NAV2: variants seen among roughly 807,000 people sequenced by gnomAD.
NAV2 encodes helicase, APC down-regulated 1.
A neutral mutation model predicts 223.2 loss-of-function variants in NAV2; 54 were observed. That is an observed-to-expected ratio of 0.24 (90% CI 0.19 to 0.30). The LOEUF is 0.30. Ranked by LOEUF, NAV2 falls within the 10% of genes least tolerant of loss-of-function variation. The pLI, the probability that NAV2 is intolerant of heterozygous loss-of-function variation, is 1.00. For missense variants in NAV2, 2,806 were observed against 3,147.5 expected (o/e 0.89, Z 2.60); for synonymous variants, 1,279 against 1,239.3 (o/e 1.03, Z -0.67).
chr11:20,009,451 A>G (rs2053385618), intron 11 of NAV2, among the ~76,000 whole-genome samples: 2 of 152,222 alleles, frequency 1.3e-5, no homozygotes, highest in African/African-American at 4.8e-5. Flanking sequence ...AGATAGTGTT[A>G]TGATTTACAG....
At chr11:19,521,487 C>T (rs1264872470) in intron 1 of NAV2, among the ~76,000 whole-genome samples, 2 of 152,146 alleles carry the variant, frequency 1.3e-5, no homozygotes, top group Non-Finnish European at 1.5e-5. Flanking sequence ...TACATAAGTG[C>T]TCAGCAATAA....
At chr11:19,379,132 G>A (rs1007915453) in intron 1 of NAV2, among the ~76,000 whole-genome samples, 2 of 152,154 alleles carry the variant, frequency 1.3e-5, no homozygotes, top group South Asian at 2.1e-4. Context: ...GGACTTTTGT[G>A]GGCCAGTGAA....
intron 1 of NAV2, among the ~76,000 whole-genome samples, chr11:19,632,400 T>C (rs2047372020): frequency 6.6e-6 from 1 of 152,228 alleles, no homozygotes; most frequent in Non-Finnish European, 1.5e-5. Flanking sequence ...CCAAATGAAA[T>C]AATGTTCATG....
In NAV2 at chr11:19,822,374, A is replaced by G. The variant is rs187437229; in HGVS notation, c.268-10110A>G. On this transcript the variant is annotated intron_variant, in intron 1 of 37. Transcript: ENST00000349880. ...TGGCAGATGGTAGTTACTATCCTACATAAGACTGGAGCAAGCATTGCCCCC... is the reference window on the plus strand; with the variant it reads ...TGGCAGATGGTAGTTACTATCCTACGTAAGACTGGAGCAAGCATTGCCCCC... Among the ~76,000 whole-genome samples the G allele has an allele frequency of 2.0e-3, 309 of 152,352 alleles. 1 individual carries two copies. The highest frequency in any genetic ancestry group is 3.1e-3 in the Non-Finnish European group (211 of 68,024).
chr11:19,529,563 G>T (rs994887271), intron 1 of NAV2, among the ~76,000 whole-genome samples: 2 of 152,106 alleles, frequency 1.3e-5, no homozygotes, highest in Admixed American at 6.5e-5. Context: ...AAGTTACCTT[G>T]TTTATGTCTT....
chr11:19,442,465 A>G (rs1052332421), intron 1 of NAV2, among the ~76,000 whole-genome samples: 1 of 152,250 alleles, frequency 6.6e-6, no homozygotes, highest in Admixed American at 6.5e-5. Flanking sequence ...GACTCAACAC[A>G]GAGGAGGGCT....
intron 11 of NAV2, among the ~76,000 whole-genome samples, chr11:20,029,090 A>G (rs2055416799): frequency 6.6e-6 from 1 of 152,254 alleles, no homozygotes; most frequent in Non-Finnish European, 1.5e-5. Flanking sequence ...GGCAGCTTTT[A>G]CTGAACGAGG....
intron 1 of NAV2, among the ~76,000 whole-genome samples, chr11:19,686,655 G>A (rs984336478): frequency 6.6e-6 from 1 of 152,210 alleles, no homozygotes; most frequent in African/African-American, 2.4e-5. Context: ...CCCAGGTGGG[G>A]AGGACCCCCA....
intron 10 of NAV2, among the ~76,000 whole-genome samples, chr11:19,968,835 T>C (rs1173290970): frequency 6.6e-6 from 1 of 152,206 alleles, no homozygotes. Flanking sequence ...TGGCCTGTGT[T>C]TCGGCGACTT....
At chr11:19,731,462 A>T (rs1252599557) in intron 1 of NAV2, among the ~76,000 whole-genome samples, 2 of 152,272 alleles carry the variant, frequency 1.3e-5, no homozygotes, top group Non-Finnish European at 2.9e-5. Flanking sequence ...TTGCTCTCAA[A>T]AGAGCTTACA....
intron 10 of NAV2, among the ~76,000 whole-genome samples, chr11:19,970,656 A>G (rs2049158063): frequency 6.6e-6 from 1 of 152,198 alleles, no homozygotes; most frequent in Non-Finnish European, 1.5e-5. Flanking sequence ...ACAAGAAGAA[A>G]GACAAGCCAA....
chr11:20,026,097 G>T (rs2055038077), intron 11 of NAV2, among the ~76,000 whole-genome samples: 1 of 152,068 alleles, frequency 6.6e-6, no homozygotes, highest in South Asian at 2.1e-4. Context: ...CATTTTTTCT[G>T]CAGAGCTGTG....
chr11:19,504,522 C>T (rs1200048653), intron 1 of NAV2: 3 of 152,138 alleles, frequency 2.0e-5, no homozygotes, highest in Admixed American at 6.5e-5. Flanking sequence ...ATATTCAAGT[C>T]CAAACTGAGT....
intron 11 of NAV2, among the ~76,000 whole-genome samples, chr11:20,026,289 T>C (rs2055059664): frequency 6.6e-6 from 1 of 152,044 alleles, no homozygotes; most frequent in Non-Finnish European, 1.5e-5. Flanking sequence ...GGCTTGCTTA[T>C]AGTTTTTTTT....
At chr11:19,690,364 G>A (rs1457524516) in intron 1 of NAV2, among the ~76,000 whole-genome samples, 1 of 152,188 alleles carries the variant, frequency 6.6e-6, no homozygotes, top group Non-Finnish European at 1.5e-5. Flanking sequence ...CATGGCCAAA[G>A]TCTGGTGGTT....
chr11:19,405,190 C>T (rs573988550), intron 1 of NAV2, among the ~76,000 whole-genome samples: 1 of 152,218 alleles, frequency 6.6e-6, no homozygotes, highest in Non-Finnish European at 1.5e-5. Context: ...GTCTTAGACC[C>T]CACCAGGCAT....
At chr11:19,887,303 C>A (rs562923945) in intron 5 of NAV2, among the ~76,000 whole-genome samples, 130 of 152,226 alleles carry the variant, frequency 8.5e-4, no homozygotes, top group Non-Finnish European at 1.3e-3. Flanking sequence ...CCATGGACTT[C>A]TGCCTTTGAC....
intron 3 of NAV2, 147 bp from the exon 4 acceptor site, chr11:19,868,778 C>T: frequency 1.5e-6 from 1 of 679,744 alleles, no homozygotes; most frequent in Non-Finnish European, 2.4e-6. Flanking sequence ...TTTTCCTGTG[C>T]AAGTACAGAC....
intron 1 of NAV2, among the ~76,000 whole-genome samples, chr11:19,490,319 G>A (rs1252022225): frequency 1.3e-5 from 2 of 152,154 alleles, no homozygotes; most frequent in Non-Finnish European, 2.9e-5. Context: ...AGATTTCTCT[G>A]TAGCATGTGA....
Sources: allele counts gnomAD v4.1 joint callset (sites outside exome capture counted in the v4.1 genomes callset), GRCh38; gene constraint gnomAD v4.1.1; transcripts MANE v1.5; gene names NCBI Gene and HGNC (gene_info 2026-07-23, HGNC 2026-07-21).